Variants in YWHAQ observed in about 807,000 individuals in gnomAD.
The protein encoded by YWHAQ is 14-3-3 protein theta.
In YWHAQ, 6 loss-of-function variants were observed where a neutral mutation model predicts 28.3. That is an observed-to-expected ratio of 0.21 (90% CI 0.12 to 0.42). The LOEUF (loss-of-function observed/expected upper bound fraction) is 0.42, where lower values mean the gene tolerates loss of function less well. YWHAQ is among the 10% of genes least tolerant of loss of function. YWHAQ has a pLI of 1.00. For synonymous variants in YWHAQ, 143 were observed against 119.1 expected (o/e 1.20, Z -1.31); for missense variants, 201 against 305.6 (o/e 0.66, Z 2.55).
At chr2:9,605,141 T>TA (rs1409366685) in intron 2 of YWHAQ, among the ~76,000 whole-genome samples, 1 of 27,058 alleles carries the variant, frequency 3.7e-5, no homozygotes, top group Admixed American at 2.2e-4. Context: ...CTGTTCTCTC[T>TA]TTTTTTTTTT....
At chr2:9,610,662 C>A (rs1666927261) in intron 2 of YWHAQ, among the ~76,000 whole-genome samples, 1 of 152,100 alleles carries the variant, frequency 6.6e-6, no homozygotes, top group Non-Finnish European at 1.5e-5. Flanking sequence ...GCATGCGCCA[C>A]CATGCCCGGC....
At chr2:9,599,669 C>T (rs1270316254) in intron 2 of YWHAQ, among the ~76,000 whole-genome samples, 2 of 152,138 alleles carry the variant, frequency 1.3e-5, no homozygotes, top group Non-Finnish European at 2.9e-5. Context: ...TTGAGACCTA[C>T]TGCTCAGAAA....
chr2:9,620,099 G>A (rs531467891), intron 2 of YWHAQ, among the ~76,000 whole-genome samples: 4 of 152,178 alleles, frequency 2.6e-5, no homozygotes, highest in Admixed American at 1.3e-4. Context: ...TCCAATCACC[G>A]CGACATGACG....
intron 2 of YWHAQ, among the ~76,000 whole-genome samples, chr2:9,613,809 A>G (rs1043472947): frequency 6.6e-6 from 1 of 152,134 alleles, no homozygotes; most frequent in Non-Finnish European, 1.5e-5. Flanking sequence ...ACAATTAACC[A>G]CGTAAAAAAA....
At position 9,630,382 on chromosome 2, in the gene YWHAQ, G is replaced by A. The variant is rs1020766289; in HGVS notation, c.71C>T (p.Thr24Ile). 4 of 1,613,874 alleles carry A rather than the reference G, an allele frequency of 2.5e-6. No individual in the cohort carries two copies. Among genetic ancestry groups the A allele is most frequent in the East Asian group, 2.2e-5 (1 of 44,876 alleles). The change falls in exon 2 of 6, where the codon ACC (threonine) becomes ATC (isoleucine). Residue 24 changes from threonine to isoleucine, a missense_variant. Physicochemically the swap from Thr to Ile is moderately conservative, Grantham distance 89. Transcript: ENST00000238081. The surrounding 1 kb of genome is among the most constrained non-coding windows in gnomAD (Gnocchi z 5.6). ...EQAERYDDMA[T>I]CMKAVTEQGA... ...CTGCTCGGTCACTGCCTTCATGCAG[G>A]TGGCCATGTCGTCGTAGCGCTCGGC...
intron 2 of YWHAQ, among the ~76,000 whole-genome samples, chr2:9,611,647 T>A (rs1666949504): frequency 6.6e-6 from 1 of 152,144 alleles, no homozygotes; most frequent in Non-Finnish European, 1.5e-5. Context: ...GAAATATGTA[T>A]ATCTACTAGA....
chr2:9,614,960 T>C (rs767943295), intron 2 of YWHAQ, among the ~76,000 whole-genome samples: 4 of 152,164 alleles, frequency 2.6e-5, no homozygotes, highest in African/African-American at 4.8e-5. Context: ...TAAACTTATA[T>C]GAGTTACTGA....
At chr2:9,597,865 G>A (rs1398976881) in intron 2 of YWHAQ, among the ~76,000 whole-genome samples, 2 of 151,158 alleles carry the variant, frequency 1.3e-5, no homozygotes, top group Non-Finnish European at 2.9e-5. Context: ...TCTCGCCCAG[G>A]CTGGAGTGCA....
At chr2:9,625,132 C>A (rs1178680613) in intron 2 of YWHAQ, among the ~76,000 whole-genome samples, 2 of 151,618 alleles carry the variant, frequency 1.3e-5, no homozygotes, top group Non-Finnish European at 2.9e-5. Flanking sequence ...CATGGTGGTG[C>A]ATGCCTGTAA....
In YWHAQ at chr2:9,584,225, C is replaced by T. The variant is rs1242623971; in HGVS notation, c.*1061G>A. On this transcript the variant is annotated 3_prime_UTR_variant, in exon 6 of 6. Transcript: ENST00000238081. Reference sequence around the variant, plus strand: ...TTAGAAAGTAGTAAATTCACCTGTCCCTTAAAATATGGGTATGCAATTGTT... The same window carrying T: ...TTAGAAAGTAGTAAATTCACCTGTCTCTTAAAATATGGGTATGCAATTGTT... 1 of 152,552 alleles carries T rather than the reference C, an allele frequency of 6.6e-6. No individual in the cohort carries two copies. The highest frequency in any genetic ancestry group is 2.4e-5 in the African/African-American group (1 of 41,412). 9.4% of individuals were successfully genotyped at this position (152,552 alleles called of 1,614,324 possible). A position where few individuals can be genotyped will look rare whatever the true frequency, so the allele number is the denominator to read the frequency against.
intron 2 of YWHAQ, chr2:9,620,553 G>C (rs1374698556): frequency 1.3e-5 from 2 of 152,024 alleles, no homozygotes; most frequent in Admixed American, 1.3e-4. Flanking sequence ...TCTGCTTTTT[G>C]GTCAGGTATT....
At chr2:9,599,550 G>A (rs1666646149) in intron 2 of YWHAQ, among the ~76,000 whole-genome samples, 2 of 152,108 alleles carry the variant, frequency 1.3e-5, no homozygotes, top group South Asian at 4.1e-4. Context: ...GGGTCCTTAA[G>A]AATTATGCTA....
At chr2:9,590,676 C>T (rs1350220962) in intron 3 of YWHAQ, among the ~76,000 whole-genome samples, 1 of 151,822 alleles carries the variant, frequency 6.6e-6, no homozygotes, top group Admixed American at 6.6e-5. Context: ...TTAGGCAATT[C>T]GGTCACTTTT....
intron 2 of YWHAQ, among the ~76,000 whole-genome samples, chr2:9,618,246 T>C (rs1667073173): frequency 6.6e-6 from 1 of 152,216 alleles, no homozygotes; most frequent in African/African-American, 2.4e-5. Context: ...AAATTTATGG[T>C]ATTTGAATTA....
intron 2 of YWHAQ, among the ~76,000 whole-genome samples, chr2:9,598,152 A>G (rs1666617016): frequency 6.6e-6 from 1 of 152,022 alleles, no homozygotes; most frequent in Non-Finnish European, 1.5e-5. Flanking sequence ...CTTATAACCA[A>G]TGCGACTGAT....
intron 2 of YWHAQ, among the ~76,000 whole-genome samples, chr2:9,610,345 C>T (rs1462526611): frequency 1.3e-5 from 2 of 152,136 alleles, no homozygotes; most frequent in African/African-American, 4.8e-5. Context: ...ACTGACAGTT[C>T]TTAATTCATA....
At chr2:9,628,531 T>C (rs1011461697) in intron 2 of YWHAQ, among the ~76,000 whole-genome samples, 1 of 152,206 alleles carries the variant, frequency 6.6e-6, no homozygotes, top group Admixed American at 6.5e-5. Flanking sequence ...TGCTTCAAGG[T>C]AACTAATTGA....
At position 9,630,393 on chromosome 2, in the gene YWHAQ, G is replaced by A. The variant is rs770667690; in HGVS notation, c.60C>T (p.Asp20=). 6.2e-7 allele frequency: 1 copy of A among 1,613,824 alleles called. No individual in the cohort carries two copies. The highest frequency in any genetic ancestry group is 2.2e-5 in the East Asian group (1 of 44,864). Residue 20 remains aspartate (D), a synonymous_variant, in exon 2 of 6, where the codon GAC becomes GAT. Transcript: ENST00000238081. The surrounding 1 kb of genome is among the most constrained non-coding windows in gnomAD (Gnocchi z 5.6). The stretch of plus-strand genomic sequence containing the variant: ...CTGCCTTCATGCAGGTGGCCATGTC[G>A]TCGTAGCGCTCGGCCTGCTCGGCCA... ...AKLAEQAERY[D]DMATCMKAVT...
intron 2 of YWHAQ, among the ~76,000 whole-genome samples, chr2:9,593,531 TAAAC>T (rs1485994720): frequency 3.3e-5 from 5 of 151,648 alleles, no homozygotes; most frequent in Admixed American, 3.3e-4. Flanking sequence ...TTAAAGAAAA[TAAAC>T]AGAGGCTGCG....
Sources: allele counts gnomAD v4.1 joint callset (sites outside exome capture counted in the v4.1 genomes callset), GRCh38; gene constraint gnomAD v4.1.1; non-coding constraint Gnocchi (gnomAD v3.1); transcripts MANE v1.5; gene names NCBI Gene and HGNC (gene_info 2026-07-23, HGNC 2026-07-21).